Variants in DYRK1A observed in about 807,000 individuals in gnomAD.
DYRK1A encodes the protein dual specificity tyrosine phosphorylation regulated kinase 1A.
A neutral mutation model predicts 79.7 loss-of-function variants in DYRK1A; 9 were observed. The ratio of observed to expected loss-of-function variants is 0.11; its 90% CI spans 0.07 to 0.20. The LOEUF (loss-of-function observed/expected upper bound fraction) is 0.20. Among genes scored for constraint, DYRK1A ranks in the 10% least tolerant of loss-of-function variants. The pLI, the probability that DYRK1A is intolerant of heterozygous loss-of-function variation, is 1.00. For synonymous variants in DYRK1A, 349 were observed against 329.7 expected, an observed-to-expected ratio of 1.06 and a Z score of -0.63; for missense variants, 622 against 956.0, an observed-to-expected ratio of 0.65 and a Z score of 4.61.
intron 1 of DYRK1A, among the ~76,000 whole-genome samples, chr21:37,403,663 ATGTGTGTG>A (rs761056038): frequency 0.16 from 19,862 of 121,388 alleles, 1,608 homozygotes; most frequent in South Asian, 0.19. Flanking sequence ...ATATATATAT[ATGTGTGTG>A]TGTGTGTGTG....
Position 37,420,490 on chromosome 21 carries a change from G to T in DYRK1A, c.10+106G>T, listed in dbSNP as rs1157147845. 9 of 1,092,364 alleles carry T rather than the reference G, an allele frequency of 8.2e-6. No homozygotes were observed. In the South Asian group the frequency reaches 1.1e-4, roughly 13 times the overall value. 67.7% of individuals were successfully genotyped at this position (1,092,364 alleles called of 1,614,324 possible). On this transcript the variant is annotated intron_variant, in intron 2 of 11. Coordinates refer to ENST00000647188, the MANE Select transcript of DYRK1A (RefSeq NM_001347721.2). The stretch of plus-strand genomic sequence containing the variant: ...TCTGATAAATAGCAGTTAGTGGGGG[G>T]AATTGTAGATCAGTAAATGCAAAGG...
chr21:37,401,847 C>G (rs921539524), intron 1 of DYRK1A, among the ~76,000 whole-genome samples: 1 of 152,104 alleles, frequency 6.6e-6, no homozygotes, highest in Non-Finnish European at 1.5e-5. Flanking sequence ...TTGTATCTTT[C>G]GCAATTACTG....
chr21:37,382,280 G>A (rs2049673566), intron 1 of DYRK1A, among the ~76,000 whole-genome samples: 2 of 149,042 alleles, frequency 1.3e-5, no homozygotes, highest in Middle Eastern at 3.4e-3. Flanking sequence ...TCACTTTGTT[G>A]CCCAGGCTGG....
intron 2 of DYRK1A, among the ~76,000 whole-genome samples, chr21:37,435,299 C>T (rs534809909): frequency 1.3e-5 from 2 of 152,238 alleles, no homozygotes; most frequent in East Asian, 3.9e-4. Flanking sequence ...CATATGGTGT[C>T]GGTTTAGTGG....
chr21:37,416,181 T>G (rs1270325256), intron 1 of DYRK1A, among the ~76,000 whole-genome samples: 2 of 152,156 alleles, frequency 1.3e-5, no homozygotes, highest in Non-Finnish European at 2.9e-5. Flanking sequence ...AGGTCAAATG[T>G]GTCAACGTCT....
At chr21:37,403,798 G>GT (rs564315919) in intron 1 of DYRK1A, among the ~76,000 whole-genome samples, 7,714 of 139,522 alleles carry the variant, frequency 0.055, 747 homozygotes, top group African/African-American at 0.19. Flanking sequence ...GATGAATACT[G>GT]TTTTTTTTTT....
chr21:37,446,581 C>CT (rs57380457), intron 2 of DYRK1A, among the ~76,000 whole-genome samples: 44,051 of 144,694 alleles, frequency 0.3, 6,470 homozygotes, highest in South Asian at 0.38. Flanking sequence ...GTTTGAAATT[C>CT]TTTTTTTTTT....
intron 2 of DYRK1A, among the ~76,000 whole-genome samples, chr21:37,453,460 C>A (rs2051526946): frequency 1.3e-5 from 2 of 151,906 alleles, no homozygotes; most frequent in African/African-American, 4.8e-5. Context: ...GGGTTTTGTT[C>A]TCACAGTGAG....
intron 1 of DYRK1A, among the ~76,000 whole-genome samples, chr21:37,374,503 T>C (rs2049497750): frequency 6.6e-6 from 1 of 151,940 alleles, no homozygotes. Flanking sequence ...TTAAGAGATT[T>C]CCAAGCTCAG....
chr21:37,507,513 C>T lies in DYRK1A; in HGVS notation c.1644+1290C>T, dbSNP rs540847779. ...AGGTCCTGCCCTCCAACTCTCCTGC[C>T]GGTGTCAGCGGTGACCTTTATTCAT... On this transcript the variant is annotated intron_variant, in intron 11 of 11. Coordinates refer to ENST00000647188, the MANE Select transcript of DYRK1A (RefSeq NM_001347721.2). 5.9e-5 allele frequency among the ~76,000 whole-genome samples: 9 copies of T among 152,278 alleles called. No individual in the cohort carries two copies. The South Asian group carries it at 8.3e-4, about 14-fold the overall frequency.
At chr21:37,371,437 A>T (rs1184349900) in intron 1 of DYRK1A, among the ~76,000 whole-genome samples, 1 of 152,226 alleles carries the variant, frequency 6.6e-6, no homozygotes, top group Non-Finnish European at 1.5e-5. Flanking sequence ...CTACTTCCAG[A>T]GTACTAAAAC....
intron 2 of DYRK1A, among the ~76,000 whole-genome samples, chr21:37,461,360 T>C (rs1350648999): frequency 1.3e-5 from 2 of 152,244 alleles, no homozygotes; most frequent in African/African-American, 4.8e-5. Flanking sequence ...GTGATTGTTT[T>C]ATTTATATGT....
chr21:37,506,044 G>T lies in DYRK1A; in HGVS notation c.1520-55G>T. On this transcript the variant is annotated intron_variant, in intron 10 of 11. Transcript: ENST00000647188. ...TGGTATAGCTTCAGAGTATAAATTTGAACAAAATGAATTTTAAACTCACAG... is the reference window on the plus strand; with the variant it reads ...TGGTATAGCTTCAGAGTATAAATTTTAACAAAATGAATTTTAAACTCACAG... 3.8e-6 allele frequency: 6 copies of T among 1,561,556 alleles called. No individual in the cohort carries two copies. In the South Asian group the frequency reaches 5.9e-5, roughly 15 times the overall value.
chr21:37,376,368 G>C (rs1210404902), intron 1 of DYRK1A, among the ~76,000 whole-genome samples: 3 of 152,174 alleles, frequency 2.0e-5, no homozygotes, highest in Admixed American at 2.0e-4. Flanking sequence ...AATTAGCCAG[G>C]TGCAGTAGTG....
At chr21:37,396,931 G>T (rs190646377) in intron 1 of DYRK1A, among the ~76,000 whole-genome samples, 66 of 152,246 alleles carry the variant, frequency 4.3e-4, no homozygotes, top group Admixed American at 3.7e-3. Context: ...GGTTGGTGGC[G>T]GTGACTGCCT....
chr21:37,450,744 G>A lies in DYRK1A; in HGVS notation c.11-21940G>A, dbSNP rs761925025. Among the ~76,000 whole-genome samples the A allele has an allele frequency of 2.4e-4, 36 of 152,298 alleles. No homozygotes were observed. The Middle Eastern group carries it at 0.01, about 43-fold the overall frequency. On this transcript the variant is annotated intron_variant, in intron 2 of 11. Transcript: ENST00000647188. ...CACACTCCGCTTCTTTCACTCATTC[G>A]TTTAGTGTTTCCTTTAAGCCTTTGC...
chr21:37,406,571 T>G (rs2050149368), intron 1 of DYRK1A, among the ~76,000 whole-genome samples: 1 of 152,012 alleles, frequency 6.6e-6, no homozygotes, highest in Non-Finnish European at 1.5e-5. Context: ...GGCACATGCC[T>G]ATAATCTGTA....
At chr21:37,473,334 C>A (rs992881336) in intron 3 of DYRK1A, among the ~76,000 whole-genome samples, 3 of 152,090 alleles carry the variant, frequency 2.0e-5, no homozygotes, top group African/African-American at 7.2e-5. Flanking sequence ...TGCAAATTAA[C>A]CGTGCTATTT....
At chr21:37,454,240 G>A (rs958741640) in intron 2 of DYRK1A, among the ~76,000 whole-genome samples, 6 of 151,828 alleles carry the variant, frequency 4.0e-5, no homozygotes, top group Non-Finnish European at 2.9e-5. Flanking sequence ...CTATAGGCGT[G>A]CGCTACCATG....
Sources: gnomAD v4.1 joint callset for allele counts (sites outside exome capture counted in the v4.1 genomes callset) on GRCh38, gnomAD v4.1.1 for gene constraint, MANE v1.5 for transcripts, NCBI Gene and HGNC (gene_info 2026-07-23, HGNC 2026-07-21) for gene names.